The following STYXL1 variants were observed in gnomAD, a reference collection of about 807,000 sequenced individuals.
STYXL1 encodes serine/threonine/tyrosine interacting like 1.
In STYXL1, 32 loss-of-function variants were observed where a neutral mutation model predicts 36.4. The ratio of observed to expected loss-of-function variants is 0.88; its 90% CI spans 0.66 to 1.18. The LOEUF (loss-of-function observed/expected upper bound fraction) is 1.18. Among genes scored for constraint, STYXL1 ranks in the 50% most tolerant of loss-of-function variants. The pLI, the probability that STYXL1 is intolerant of heterozygous loss-of-function variation, is 0.00. For synonymous variants in STYXL1, 133 were observed against 144.1 expected, an observed-to-expected ratio of 0.92 and a Z score of 0.55; for missense variants, 354 against 394.1, an observed-to-expected ratio of 0.90 and a Z score of 0.86.
chr7:76,012,643 G>A (rs556202978), intron 5 of STYXL1, among the ~76,000 whole-genome samples: 5 of 152,148 alleles, frequency 3.3e-5, no homozygotes, highest in African/African-American at 9.7e-5. Flanking sequence ...GATCCATCCA[G>A]CTTGGCCTCC....
chr7:76,001,791 G>C (rs1554567612), intron 7 of STYXL1, among the ~76,000 whole-genome samples: 2 of 88,598 alleles, frequency 2.3e-5, no homozygotes, highest in African/African-American at 8.2e-5. Flanking sequence ...CACTGCGCCT[G>C]ATTTTTTTTT....
chr7:75,999,491 T>TTGTGTATG (rs150572317), intron 8 of STYXL1, among the ~76,000 whole-genome samples: 7,897 of 111,000 alleles, frequency 0.071, 274 homozygotes, highest in East Asian at 0.15. Context: ...AATTTTTTTG[T>TTGTGTATG]TGTGTGTGTG....
Position 76,008,199 on chromosome 7 carries a change from C to CA in STYXL1, c.454-2796dup, listed in dbSNP as rs60080805. Among the ~76,000 whole-genome samples, 112 of 33,744 alleles carry CA rather than the reference C, an allele frequency of 3.3e-3. 5 individuals carry two copies. The highest frequency in any genetic ancestry group is 7.1e-3 in the African/African-American group (57 of 8,038). The allele number at this position is 33,744 out of a possible 152,430, so 22.1% of individuals were successfully genotyped here. ...GGGCAACAAGAGCAAAACTCCATCT[C>CA]AAAAAAAAAAAAAAAAAAAAAAAAA... On this transcript the variant is annotated intron_variant, in intron 5 of 8. Transcript: ENST00000359697.
rs1268797595 is a variant in STYXL1 at position 76,018,395 on chromosome 7, A to AT, written c.307+3455dup. Among the ~76,000 whole-genome samples, 1,259 of 144,560 alleles carry AT rather than the reference A, an allele frequency of 8.7e-3. 12 individuals are homozygous for AT. Among genetic ancestry groups the AT allele is most frequent in the East Asian group, 0.041 (204 of 5,006 alleles). 94.8% of individuals were successfully genotyped at this position (144,560 alleles called of 152,430 possible). ...CATTATAGCACATGTCAGTACTTTT[A>AT]TTTTTTTTTTTTTGAGACCGAGTTT... On this transcript the variant is annotated intron_variant, in intron 4 of 8. Coordinates refer to ENST00000359697, the MANE Select transcript of STYXL1 (RefSeq NM_001317785.2).
chr7:76,015,656 G>A (rs1346782710), intron 4 of STYXL1, among the ~76,000 whole-genome samples: 1 of 152,208 alleles, frequency 6.6e-6, no homozygotes, highest in Non-Finnish European at 1.5e-5. Flanking sequence ...ATAAGGAACT[G>A]AAATCAAGAA....
chr7:76,024,177 C>G (rs534089728), intron 3 of STYXL1, among the ~76,000 whole-genome samples: 1 of 152,094 alleles, frequency 6.6e-6, no homozygotes, highest in African/African-American at 2.4e-5. Context: ...CGTGCCTGGC[C>G]AGAATATTAC....
chr7:76,001,096 C>T, intron 7 of STYXL1, 94 bp from the exon 8 acceptor site: 1 of 944,456 alleles, frequency 1.1e-6, no homozygotes, highest in South Asian at 1.3e-5. Flanking sequence ...GCCCGTGGTC[C>T]AAGCATGAGT....
chr7:76,002,881 G>A (rs1791148954), intron 7 of STYXL1, among the ~76,000 whole-genome samples: 1 of 152,076 alleles, frequency 6.6e-6, no homozygotes, highest in Admixed American at 6.6e-5. Flanking sequence ...CCAAGATTGT[G>A]CCACTACACT....
At position 75,996,371 on chromosome 7, in the gene STYXL1, C is replaced by G. The variant is rs1554563851; in HGVS notation, c.*97G>C. ...ACTTTCAGGCAGCAAAGGCCTTCTCCTTCCAGACAAGCCTGGGTATACACA... is the reference window on the plus strand; with the variant it reads ...ACTTTCAGGCAGCAAAGGCCTTCTCGTTCCAGACAAGCCTGGGTATACACA... On this transcript the variant is annotated 3_prime_UTR_variant, in exon 9 of 9. Transcript: ENST00000359697. 3.1e-6 allele frequency: 5 copies of G among 1,608,602 alleles called. No individual in the cohort carries two copies. The highest frequency in any genetic ancestry group is 4.2e-6 in the Non-Finnish European group (5 of 1,177,984).
At chr7:76,018,439 A>G (rs1248595446) in intron 4 of STYXL1, among the ~76,000 whole-genome samples, 1 of 151,178 alleles carries the variant, frequency 6.6e-6, no homozygotes, top group African/African-American at 2.4e-5. Flanking sequence ...TGTCCAGGCT[A>G]GAGTACAATA....
At chr7:76,033,141 A>C (rs936420226) in intron 1 of STYXL1, among the ~76,000 whole-genome samples, 8 of 151,996 alleles carry the variant, frequency 5.3e-5, no homozygotes, top group Admixed American at 5.3e-4. Context: ...TCCTGTAGGA[A>C]GGCTTTTATT....
chr7:76,029,755 G>A (rs1338215415), intron 2 of STYXL1, among the ~76,000 whole-genome samples: 6 of 152,126 alleles, frequency 3.9e-5, no homozygotes, highest in East Asian at 1.9e-4. Context: ...CAAGGAGAGC[G>A]CAACTTAGAT....
chr7:76,030,400 C>A, intron 2 of STYXL1, 21 bp downstream of exon 2: 1 of 1,573,772 alleles, frequency 6.4e-7, no homozygotes, highest in Non-Finnish European at 8.7e-7. Flanking sequence ...TGACCTCCTC[C>A]GCTTTTTTCC....
chr7:76,024,188 T>C (rs1554577038), intron 3 of STYXL1, among the ~76,000 whole-genome samples: 1 of 152,062 alleles, frequency 6.6e-6, no homozygotes, highest in Non-Finnish European at 1.5e-5. Context: ...AGAATATTAC[T>C]TTAGAGAGCA....
chr7:75,999,386 G>A (rs1226822137), intron 8 of STYXL1, among the ~76,000 whole-genome samples: 1 of 152,158 alleles, frequency 6.6e-6, no homozygotes, highest in Non-Finnish European at 1.5e-5. Flanking sequence ...GCTGTTTCAG[G>A]TTTGCAAGAT....
At chr7:76,015,841 T>C (rs1793232164) in intron 4 of STYXL1, among the ~76,000 whole-genome samples, 1 of 152,150 alleles carries the variant, frequency 6.6e-6, no homozygotes, top group African/African-American at 2.4e-5. Flanking sequence ...CACCATCTAA[T>C]CAGCTGCCAG....
chr7:76,033,200 C>T (rs28446604), intron 1 of STYXL1, among the ~76,000 whole-genome samples: 28,298 of 152,046 alleles, frequency 0.19, 2,955 homozygotes, highest in East Asian at 0.29. Context: ...GGCTTGAGTA[C>T]GGTGGTGTGA....
chr7:76,046,143 T>C (rs919793898), intron 1 of STYXL1, among the ~76,000 whole-genome samples: 2 of 152,122 alleles, frequency 1.3e-5, no homozygotes, highest in Admixed American at 6.6e-5. Flanking sequence ...ACATTTCCCA[T>C]TGTTAAATGC....
At chr7:76,022,017 C>A in intron 3 of STYXL1, 25 bp from the exon 4 acceptor site, 1 of 1,592,740 alleles carries the variant, frequency 6.3e-7, no homozygotes. Context: ...CACACACACA[C>A]AAGAGAGGCC....
Sources: allele counts gnomAD v4.1 joint callset (sites outside exome capture counted in the v4.1 genomes callset), GRCh38; gene constraint gnomAD v4.1.1; transcripts MANE v1.5; gene names NCBI Gene and HGNC (gene_info 2026-07-23, HGNC 2026-07-21).